The following KHDRBS3 variants were observed in gnomAD, a reference collection of about 807,000 sequenced individuals.
KHDRBS3 encodes the protein KH RNA binding domain containing, signal transduction associated 3.
Under a neutral mutation model 45.6 loss-of-function variants are expected in KHDRBS3, and 23 were observed. The observed-to-expected ratio is 0.50, with a 90% CI of 0.36 to 0.72. KHDRBS3 has a LOEUF of 0.72. Ranked by LOEUF, KHDRBS3 falls within the 30% of genes least tolerant of loss-of-function variation. KHDRBS3 has a pLI of 0.00. For synonymous variants in KHDRBS3, 162 were observed against 156.5 expected, an observed-to-expected ratio of 1.04 and a Z score of -0.26; for missense variants, 352 against 424.8, an observed-to-expected ratio of 0.83 and a Z score of 1.51.
At chr8:135,472,146 T>G (rs1407953565) in intron 1 of KHDRBS3, among the ~76,000 whole-genome samples, 1 of 152,202 alleles carries the variant, frequency 6.6e-6, no homozygotes, top group Non-Finnish European at 1.5e-5. Flanking sequence ...GGATACTGAT[T>G]TTGAGGAGAG....
At chr8:135,533,375 G>A (rs556070654) in intron 2 of KHDRBS3, among the ~76,000 whole-genome samples, 1 of 152,266 alleles carries the variant, frequency 6.6e-6, no homozygotes, top group South Asian at 2.1e-4. Flanking sequence ...AGTCTTCTCA[G>A]TTGGAGCTAT....
downstream of KHDRBS3, among the ~76,000 whole-genome samples, chr8:135,652,382 T>C (rs1484279784): frequency 6.6e-6 from 1 of 152,192 alleles, no homozygotes; most frequent in East Asian, 1.9e-4. Flanking sequence ...ATGTGATGAG[T>C]CCTTCGGTGA....
At chr8:135,620,833 T>C (rs1830108636) in intron 7 of KHDRBS3, among the ~76,000 whole-genome samples, 2 of 152,138 alleles carry the variant, frequency 1.3e-5, no homozygotes, top group Admixed American at 1.3e-4. Context: ...CTGTGCTTGC[T>C]CTGTCCTCCA....
At chr8:135,585,152 C>T (rs1337535313) in intron 6 of KHDRBS3, among the ~76,000 whole-genome samples, 1 of 150,436 alleles carries the variant, frequency 6.6e-6, no homozygotes, top group Non-Finnish European at 1.5e-5. Flanking sequence ...TTGCTTGAAC[C>T]CGGCAGGTGG....
chr8:135,546,608 C>T (rs930576446), intron 3 of KHDRBS3, among the ~76,000 whole-genome samples: 4 of 152,124 alleles, frequency 2.6e-5, no homozygotes, highest in South Asian at 4.2e-4. Flanking sequence ...ATTTACTGAG[C>T]GCTTATTATG....
chr8:135,536,757 G>A (rs1278370628), intron 2 of KHDRBS3, among the ~76,000 whole-genome samples: 2 of 150,440 alleles, frequency 1.3e-5, no homozygotes, highest in Admixed American at 1.3e-4. Context: ...TCAGGAGATC[G>A]AGACCATCCT....
intron 7 of KHDRBS3, among the ~76,000 whole-genome samples, chr8:135,617,557 C>T (rs1196363021): frequency 6.6e-6 from 1 of 151,992 alleles, no homozygotes; most frequent in Non-Finnish European, 1.5e-5. Flanking sequence ...GGATTATAGG[C>T]GTGAGCCACC....
chr8:135,545,142 A>G (rs957282477), intron 3 of KHDRBS3, among the ~76,000 whole-genome samples: 1 of 152,084 alleles, frequency 6.6e-6, no homozygotes, highest in Non-Finnish European at 1.5e-5. Context: ...GAGGACTAGG[A>G]GGAAGCTCAC....
intron 7 of KHDRBS3, among the ~76,000 whole-genome samples, chr8:135,628,790 G>A (rs1387816691): frequency 2.6e-5 from 4 of 152,178 alleles, no homozygotes; most frequent in Non-Finnish European, 5.9e-5. Flanking sequence ...TACACAGAAG[G>A]TTGTACTCAA....
intron 7 of KHDRBS3, among the ~76,000 whole-genome samples, chr8:135,618,394 T>G (rs1231376567): frequency 6.6e-6 from 1 of 152,176 alleles, no homozygotes; most frequent in Non-Finnish European, 1.5e-5. Context: ...AGTTAATAGG[T>G]TCATTTGGGA....
At chr8:135,595,365 T>C (rs1828928674) in intron 6 of KHDRBS3, among the ~76,000 whole-genome samples, 1 of 152,222 alleles carries the variant, frequency 6.6e-6, no homozygotes, top group Admixed American at 6.5e-5. Flanking sequence ...TTTTTATGAC[T>C]TATTTTATGC....
chr8:135,599,785 G>C (rs1039143132), intron 6 of KHDRBS3, among the ~76,000 whole-genome samples: 1 of 152,218 alleles, frequency 6.6e-6, no homozygotes, highest in Non-Finnish European at 1.5e-5. Flanking sequence ...ATTCAGCCTG[G>C]AGTCTTCTTG....
intron 3 of KHDRBS3, among the ~76,000 whole-genome samples, chr8:135,544,783 A>G (rs1826209054): frequency 6.6e-6 from 1 of 152,166 alleles, no homozygotes; most frequent in Non-Finnish European, 1.5e-5. Flanking sequence ...TTTGGAAATC[A>G]GTATGGTGAT....
chr8:135,495,039 A>C (rs772185578), intron 1 of KHDRBS3, among the ~76,000 whole-genome samples: 2 of 152,250 alleles, frequency 1.3e-5, no homozygotes, highest in African/African-American at 4.8e-5. Flanking sequence ...CTTCTCCCCT[A>C]GTCGTGCTTG....
chr8:135,493,442 G>T (rs1823259448), intron 1 of KHDRBS3, among the ~76,000 whole-genome samples: 2 of 152,054 alleles, frequency 1.3e-5, no homozygotes, highest in African/African-American at 4.8e-5. Flanking sequence ...TTTCATAGAT[G>T]TTCTTTATTA....
At chr8:135,591,830 C>T (rs757988064) in intron 6 of KHDRBS3, among the ~76,000 whole-genome samples, 50 of 152,230 alleles carry the variant, frequency 3.3e-4, no homozygotes, top group Middle Eastern at 3.4e-3. Flanking sequence ...TTTATAGAGA[C>T]GGGAGTTGTA....
chr8:135,518,889 T>A (rs1277084336), intron 1 of KHDRBS3, among the ~76,000 whole-genome samples: 1 of 152,194 alleles, frequency 6.6e-6, no homozygotes, highest in Non-Finnish European at 1.5e-5. Context: ...CTTAAAAAAA[T>A]TTTATATCCT....
At chr8:135,637,028 A>G (rs1412097976) in intron 7 of KHDRBS3, among the ~76,000 whole-genome samples, 1 of 152,240 alleles carries the variant, frequency 6.6e-6, no homozygotes, top group African/African-American at 2.4e-5. Flanking sequence ...AAAATTCAGC[A>G]AAGTTGTGGT....
intron 7 of KHDRBS3, among the ~76,000 whole-genome samples, chr8:135,628,419 A>C (rs988399255): frequency 2.0e-5 from 3 of 152,212 alleles, no homozygotes; most frequent in Non-Finnish European, 4.4e-5. Context: ...AACACAGTAG[A>C]AGTGGTGAGA....
Sources: gnomAD v4.1 joint callset for allele counts (sites outside exome capture counted in the v4.1 genomes callset) on GRCh38, gnomAD v4.1.1 for gene constraint, MANE v1.5 for transcripts, NCBI Gene and HGNC (gene_info 2026-07-23, HGNC 2026-07-21) for gene names.